The following VPS8 variants were observed in gnomAD, a reference collection of about 807,000 sequenced individuals.
VPS8 encodes the protein VPS8 subunit of CORVET complex, also known as vacuolar protein sorting-associated protein 8 homolog.
In VPS8, 129 loss-of-function variants were observed where a neutral mutation model predicts 216.4. The observed-to-expected ratio is 0.60, with a 90% CI of 0.52 to 0.69. VPS8 has a LOEUF of 0.69. Among genes scored for constraint, VPS8 ranks in the 30% least tolerant of loss-of-function variants. The probability of loss-of-function intolerance (pLI) is 0.00; values close to 1 mark genes in which losing one functional copy is unlikely to be tolerated. For missense variants in VPS8, 1,531 were observed against 1,683.5 expected, an observed-to-expected ratio of 0.91 and a Z score of 1.59; for synonymous variants, 571 against 565.4, an observed-to-expected ratio of 1.01 and a Z score of -0.14.
rs372149902 is a variant in VPS8, at chr3:185,021,359, GC to G, written c.4003-2975del. Among the ~76,000 whole-genome samples the G allele has an allele frequency of 7.9e-5, 12 of 152,200 alleles. No individual in the cohort carries two copies. The East Asian group carries it at 2.3e-3, about 29-fold the overall frequency. ...TGAGGGATGCTGGACCACTTCCATT[GC>G]CACTTCAAACATATTCTGACTTAAT... On this transcript the variant is annotated intron_variant, in intron 45 of 47. Transcript: ENST00000625842.
In VPS8 at chr3:184,894,886, C is replaced by A. The variant is rs748236835; in HGVS notation, c.1965C>A (p.Leu655=). The part of the protein sequence containing the change: ...DKKLMENVEA[L]IVHMDITSLD... ...AATTAATGGAAAATGTGGAAGCGCT[C>A]ATTGTACATATGGATATCACCAGCC... is the stretch of plus-strand genomic sequence containing the variant. The change falls in exon 23 of 48, where the codon CTC becomes CTA. Residue 655 remains leucine (L), a synonymous_variant. Transcript: ENST00000625842. 1 of 1,608,438 alleles carries A rather than the reference C, an allele frequency of 6.2e-7. No homozygotes were observed. Among genetic ancestry groups the A allele is most frequent in the Non-Finnish European group, 8.5e-7 (1 of 1,177,782 alleles).
At chr3:184,923,082 G>T (rs75197893) in intron 29 of VPS8, among the ~76,000 whole-genome samples, 13,395 of 152,160 alleles carry the variant, frequency 0.088, 635 homozygotes, top group African/African-American at 0.095. Flanking sequence ...AGAGAGGGAT[G>T]CAAGAAGTAG....
In VPS8 at chr3:184,874,070, GT is replaced by G. The variant is rs747635562; in HGVS notation, c.1734+3277del. On this transcript the variant is annotated intron_variant, in intron 21 of 47. Transcript: ENST00000625842. ...AATTATATAGGTTGACTTTTAAAGT[GT>G]TTTTTTTTTTTAAGTAGAGTGGACT... 8.0e-3 allele frequency among the ~76,000 whole-genome samples: 1,138 copies of G among 142,742 alleles called. 11 individuals are homozygous for G. The highest frequency in any genetic ancestry group is 9.2e-3 in the Non-Finnish European group (599 of 64,790). The allele number at this position is 142,742 out of a possible 152,430, so 93.6% of individuals were successfully genotyped here. A position where few individuals can be genotyped will look rare whatever the true frequency, so the allele number is the denominator to read the frequency against.
At chr3:184,984,948 T>C (rs920302107) in intron 42 of VPS8, among the ~76,000 whole-genome samples, 1 of 152,224 alleles carries the variant, frequency 6.6e-6, no homozygotes, top group Non-Finnish European at 1.5e-5. Flanking sequence ...AGTCTCTTGA[T>C]ATTTGAAAAT....
chr3:185,043,267 T>TTA (rs1712090239), intron 46 of VPS8, among the ~76,000 whole-genome samples: 1 of 152,228 alleles, frequency 6.6e-6, no homozygotes, highest in Non-Finnish European at 1.5e-5. Context: ...AACTTCAGTT[T>TTA]CCTCACAGGT....
chr3:184,870,639 A>G, intron 20 of VPS8, 77 bp from the exon 21 acceptor site: 2 of 1,054,826 alleles, frequency 1.9e-6, no homozygotes, highest in Non-Finnish European at 2.7e-6. Flanking sequence ...ATTATGTATT[A>G]TTTAGGAGAG....
rs141432004 is a variant in VPS8, at chr3:184,888,972, T to C, written c.1781+2816T>C. Among the ~76,000 whole-genome samples the C allele has an allele frequency of 2.6e-5, 4 of 152,322 alleles. No individual in the cohort carries two copies. The East Asian group carries it at 5.8e-4, about 22-fold the overall frequency. On this transcript the variant is annotated intron_variant, in intron 22 of 47. Transcript: ENST00000625842. ...AAAGTTGAAGTGGGCCTAACAGTTG[T>C]AAGATGAAAGATTATATAGGGAAAA...
chr3:184,832,104 T>C (rs1339224575), intron 3 of VPS8, among the ~76,000 whole-genome samples: 5 of 152,168 alleles, frequency 3.3e-5, no homozygotes. Context: ...ATATAAGGCT[T>C]TTCATGGTTT....
intron 47 of VPS8, among the ~76,000 whole-genome samples, chr3:185,049,716 C>T (rs998276872): frequency 2.6e-5 from 4 of 152,132 alleles, no homozygotes; most frequent in African/African-American, 9.7e-5. Context: ...CTAGGTGGTC[C>T]CATTTGTTCC....
intron 39 of VPS8, among the ~76,000 whole-genome samples, chr3:184,966,997 C>T (rs1312963611): frequency 2.1e-5 from 3 of 142,296 alleles, no homozygotes; most frequent in South Asian, 2.2e-4. Context: ...GACAGGCTTT[C>T]GCTCTGTTGC....
Position 185,048,363 on chromosome 3 carries a change from G to A in VPS8, c.4057-116G>A, listed in dbSNP as rs1262129527. ...TATCTCACTAATAGCTGGTAGCATG[G>A]ATTGTTTTCAGGAGAATGAAGGAAG... On this transcript the variant is annotated intron_variant, in intron 46 of 47. Coordinates refer to ENST00000625842, the MANE Select transcript of VPS8 (RefSeq NM_001009921.3). 3.0e-6 allele frequency: 3 copies of A among 1,000,076 alleles called. No homozygotes were observed. In the African/African-American group the frequency reaches 4.9e-5, roughly 16 times the overall value. 62.0% of individuals were successfully genotyped at this position (1,000,076 alleles called of 1,614,324 possible).
Position 184,854,190 on chromosome 3 carries a change from A to G in VPS8, c.1035+17A>G, listed in dbSNP as rs189538985. 1.0e-4 allele frequency: 163 copies of G among 1,613,270 alleles called. 1 individual carries two copies. The East Asian group carries it at 3.6e-3, about 36-fold the overall frequency. Reference sequence around the variant, plus strand: ...TATGGCCGGGTGAGTACGTCCCTCCATCTTATTTGCCAAAGGAAGGACCAT... The same window carrying G: ...TATGGCCGGGTGAGTACGTCCCTCCGTCTTATTTGCCAAAGGAAGGACCAT... On this transcript the variant is annotated intron_variant, in intron 13 of 47. Transcript: ENST00000625842.
intron 46 of VPS8, among the ~76,000 whole-genome samples, chr3:185,026,452 C>A (rs1285154733): frequency 6.8e-6 from 1 of 147,266 alleles, no homozygotes; most frequent in African/African-American, 2.5e-5. Context: ...CCCTCTGTTG[C>A]CCAGGCTGGA....
At chr3:184,905,022 A>G (rs1660676771) in intron 25 of VPS8, among the ~76,000 whole-genome samples, 1 of 152,328 alleles carries the variant, frequency 6.6e-6, no homozygotes, top group East Asian at 1.9e-4. Context: ...GTGTCCTCAC[A>G]TGGCGGAAGT....
chr3:184,844,654 G>A (rs1722792396), intron 8 of VPS8, among the ~76,000 whole-genome samples: 1 of 152,096 alleles, frequency 6.6e-6, no homozygotes, highest in Non-Finnish European at 1.5e-5. Flanking sequence ...TACAGACTTT[G>A]TACATTATTT....
intron 45 of VPS8, among the ~76,000 whole-genome samples, chr3:185,014,695 C>G (rs1755539609): frequency 6.6e-6 from 1 of 152,098 alleles, no homozygotes; most frequent in Admixed American, 6.5e-5. Context: ...CCCTGTTTCT[C>G]CCCCCTTTTT....
At chr3:184,837,644 TTAAG>T (rs1247127110) in intron 5 of VPS8, among the ~76,000 whole-genome samples, 3 of 152,140 alleles carry the variant, frequency 2.0e-5, no homozygotes, top group African/African-American at 7.2e-5. Flanking sequence ...TGGAGTAAGT[TTAAG>T]TGAGTGCCCA....
intron 46 of VPS8, among the ~76,000 whole-genome samples, chr3:185,043,990 G>A (rs1712279900): frequency 6.6e-6 from 1 of 152,108 alleles, no homozygotes; most frequent in African/African-American, 2.4e-5. Flanking sequence ...AGGAGTTCAA[G>A]ACCAGCCTGA....
intron 39 of VPS8, among the ~76,000 whole-genome samples, chr3:184,968,935 G>A (rs887458996): frequency 2.6e-5 from 4 of 152,072 alleles, no homozygotes; most frequent in African/African-American, 9.7e-5. Flanking sequence ...GTTGTTTTAT[G>A]ATCATCAGGT....
Sources: allele counts gnomAD v4.1 joint callset (sites outside exome capture counted in the v4.1 genomes callset), GRCh38; gene constraint gnomAD v4.1.1; transcripts MANE v1.5; gene names NCBI Gene and HGNC (gene_info 2026-07-23, HGNC 2026-07-21).